KIF26B: variants seen among roughly 807,000 people sequenced by gnomAD.
The protein encoded by KIF26B is kinesin-like protein KIF26B.
A neutral mutation model predicts 151.2 loss-of-function variants in KIF26B; 63 were observed. The ratio of observed to expected loss-of-function variants is 0.42; its 90% CI spans 0.34 to 0.51. The LOEUF (loss-of-function observed/expected upper bound fraction) is 0.51, where lower values mean the gene tolerates loss of function less well. Ranked by LOEUF, KIF26B falls within the 20% of genes least tolerant of loss-of-function variation. KIF26B has a pLI of 0.07. For missense variants in KIF26B, 2,813 were observed against 2,913.6 expected (o/e 0.97, Z 0.79); for synonymous variants, 1,357 against 1,262.1 (o/e 1.08, Z -1.59).
chr1:245,381,860 C>T (rs1673419129), intron 3 of KIF26B, among the ~76,000 whole-genome samples: 1 of 152,150 alleles, frequency 6.6e-6, no homozygotes, highest in African/African-American at 2.4e-5. Flanking sequence ...TTGCACTTGG[C>T]ATAATGTCCT....
chr1:245,517,069 TA>T (rs1660985220), intron 4 of KIF26B, among the ~76,000 whole-genome samples: 1 of 152,098 alleles, frequency 6.6e-6, no homozygotes, highest in Non-Finnish European at 1.5e-5. Context: ...AACATGAATA[TA>T]AAAATGGGGA....
intron 5 of KIF26B, among the ~76,000 whole-genome samples, chr1:245,586,860 T>C: frequency 6.9e-6 from 1 of 144,818 alleles, no homozygotes; most frequent in Non-Finnish European, 1.5e-5. Flanking sequence ...CAGTCCGCAG[T>C]CCGGCCTGGG....
chr1:245,229,113 C>T (rs1573721198), intron 2 of KIF26B, among the ~76,000 whole-genome samples: 1 of 152,176 alleles, frequency 6.6e-6, no homozygotes, highest in Non-Finnish European at 1.5e-5. Flanking sequence ...ACTACAGGCA[C>T]GTGCCACGAT....
At chr1:245,436,444 C>T (rs1383721750) in intron 4 of KIF26B, among the ~76,000 whole-genome samples, 2 of 152,218 alleles carry the variant, frequency 1.3e-5, no homozygotes, top group African/African-American at 2.4e-5. Flanking sequence ...GAAGTAACTG[C>T]CCACCGTCCT....
intron 2 of KIF26B, among the ~76,000 whole-genome samples, chr1:245,331,095 G>C (rs1672100007): frequency 6.6e-6 from 1 of 152,008 alleles, no homozygotes; most frequent in African/African-American, 2.4e-5. Context: ...CCGCGGCAGG[G>C]GGCGGTGGGA....
intron 4 of KIF26B, among the ~76,000 whole-genome samples, chr1:245,494,909 G>A (rs557328753): frequency 1.2e-4 from 19 of 152,024 alleles, no homozygotes; most frequent in African/African-American, 4.1e-4. Context: ...GCATGGTGGC[G>A]CACACCTGTA....
chr1:245,335,595 G>C (rs1186638430), intron 2 of KIF26B, among the ~76,000 whole-genome samples: 1 of 150,256 alleles, frequency 6.7e-6, no homozygotes, highest in Non-Finnish European at 1.5e-5. Context: ...GGGAAAAGGA[G>C]AGTGCCACGC....
chr1:245,614,528 A>T lies in KIF26B; in HGVS notation c.2098+2552A>T, dbSNP rs956893041. On this transcript the variant is annotated intron_variant, in intron 9 of 14. Coordinates refer to ENST00000407071, the MANE Select transcript of KIF26B (RefSeq NM_018012.4). Reference sequence around the variant, plus strand: ...TTGGTTCCTACCCTACCACCAGGACAGAATGAAAATATCCACAGCTGGGGC... The same window carrying T: ...TTGGTTCCTACCCTACCACCAGGACTGAATGAAAATATCCACAGCTGGGGC... Among the ~76,000 whole-genome samples the T allele has an allele frequency of 6.2e-4, 95 of 152,244 alleles. 1 individual carries two copies. Among genetic ancestry groups the T allele is most frequent in the Admixed American group, 5.9e-3 (90 of 15,284 alleles).
intron 2 of KIF26B, among the ~76,000 whole-genome samples, chr1:245,337,364 G>A (rs925692352): frequency 7.3e-5 from 11 of 151,642 alleles, no homozygotes; most frequent in South Asian, 2.1e-4. Flanking sequence ...TAGGGGTGGC[G>A]GGGGTCGGGG....
At chr1:245,335,759 A>AGG (rs1672210940) in intron 2 of KIF26B, among the ~76,000 whole-genome samples, 2 of 145,704 alleles carry the variant, frequency 1.4e-5, no homozygotes, top group Non-Finnish European at 3.0e-5. Context: ...ACGCAGGGAG[A>AGG]GTCCCACGCA....
At chr1:245,159,102 C>T (rs1477160975) in intron 2 of KIF26B, among the ~76,000 whole-genome samples, 1 of 152,140 alleles carries the variant, frequency 6.6e-6, no homozygotes, top group African/African-American at 2.4e-5. Context: ...CAAGAGGTGT[C>T]ACTGTGACTC....
rs373214446 is a variant in KIF26B at position 245,440,090 on chromosome 1, G to A, written c.1166+20345G>A. Among the ~76,000 whole-genome samples, 9 of 152,184 alleles carry A rather than the reference G, an allele frequency of 5.9e-5. No homozygotes were observed. The East Asian group carries it at 1.4e-3, about 23-fold the overall frequency. ...CAAAAAATTAGCCGGGCGTGGTGGCGGGAGCCTGTAGTCCCAGCTACTCGG... is the reference window on the plus strand; with the variant it reads ...CAAAAAATTAGCCGGGCGTGGTGGCAGGAGCCTGTAGTCCCAGCTACTCGG... On this transcript the variant is annotated intron_variant, in intron 4 of 14. Transcript: ENST00000407071.
intron 4 of KIF26B, among the ~76,000 whole-genome samples, chr1:245,447,108 T>C (rs904216671): frequency 6.6e-6 from 1 of 152,168 alleles, no homozygotes; most frequent in Non-Finnish European, 1.5e-5. Flanking sequence ...CCTCCTCCCC[T>C]CACTGTGTGG....
At chr1:245,335,646 G>T (rs1300816966) in intron 2 of KIF26B, among the ~76,000 whole-genome samples, 19 of 151,190 alleles carry the variant, frequency 1.3e-4, no homozygotes, top group Admixed American at 4.6e-4. Flanking sequence ...AGAGTCCCAC[G>T]AGGGGAAAGG....
intron 3 of KIF26B, among the ~76,000 whole-genome samples, chr1:245,403,976 G>A (rs1020695396): frequency 2.6e-5 from 4 of 152,246 alleles, no homozygotes; most frequent in Admixed American, 2.0e-4. Flanking sequence ...CTTCTTTTTG[G>A]AGATGGCCTG....
chr1:245,176,513 G>A (rs1039342312), intron 2 of KIF26B, among the ~76,000 whole-genome samples: 1 of 152,096 alleles, frequency 6.6e-6, no homozygotes, highest in African/African-American at 2.4e-5. Context: ...ATACTTGCTG[G>A]TAAGCCTGGA....
rs543943944 is a variant in KIF26B at position 245,452,203 on chromosome 1, A to G, written c.1166+32458A>G. Among the ~76,000 whole-genome samples, 4 of 152,226 alleles carry G rather than the reference A, an allele frequency of 2.6e-5. No individual in the cohort carries two copies. In the South Asian group the frequency reaches 8.3e-4, roughly 32 times the overall value. ...TACAATATTTAACCTTTTGTGTCTG[A>G]TTTATTTCACTTAGCATAATATTTT... On this transcript the variant is annotated intron_variant, in intron 4 of 14. Coordinates refer to ENST00000407071, the MANE Select transcript of KIF26B (RefSeq NM_018012.4).
At chr1:245,539,507 A>G (rs1005074564) in intron 4 of KIF26B, among the ~76,000 whole-genome samples, 6 of 152,222 alleles carry the variant, frequency 3.9e-5, no homozygotes, top group Admixed American at 3.3e-4. Context: ...TGATGAGGAA[A>G]TTAGAATCCT....
intron 4 of KIF26B, among the ~76,000 whole-genome samples, chr1:245,500,007 T>C (rs1178992356): frequency 1.3e-5 from 2 of 152,210 alleles, no homozygotes; most frequent in African/African-American, 4.8e-5. Flanking sequence ...GCACTTTGTT[T>C]TAGGCTGGAT....
Sources: allele counts gnomAD v4.1 joint callset (sites outside exome capture counted in the v4.1 genomes callset), GRCh38; gene constraint gnomAD v4.1.1; transcripts MANE v1.5; gene names NCBI Gene and HGNC (gene_info 2026-07-23, HGNC 2026-07-21).